EEFSEC: variants seen among roughly 807,000 people sequenced by gnomAD.
The protein encoded by EEFSEC is selenocysteine-specific elongation factor.
A neutral mutation model predicts 42.1 loss-of-function variants in EEFSEC; 43 were observed. The ratio of observed to expected loss-of-function variants is 1.02; its 90% confidence interval spans 0.80 to 1.32. EEFSEC has a LOEUF of 1.32. Among genes scored for constraint, EEFSEC ranks in the 40% most tolerant of loss-of-function variants. The pLI is 0.00. For missense variants in EEFSEC, 745 were observed against 803.6 expected, an observed-to-expected ratio of 0.93 and a Z score of 0.88; for synonymous variants, 354 against 339.1, an observed-to-expected ratio of 1.04 and a Z score of -0.48.
chr3:128,277,738 G>C (rs1444189461), intron 4 of EEFSEC, among the ~76,000 whole-genome samples: 1 of 152,244 alleles, frequency 6.6e-6, no homozygotes, highest in South Asian at 2.1e-4. Context: ...AGCTCTGCAC[G>C]TGAGCACATG....
At chr3:128,205,134 A>T (rs953919342) in intron 1 of EEFSEC, among the ~76,000 whole-genome samples, 1 of 152,208 alleles carries the variant, frequency 6.6e-6, no homozygotes, top group Admixed American at 6.5e-5. Flanking sequence ...TAAAGTGAGG[A>T]TAGGCACCCT....
At position 128,153,777 on chromosome 3, in the gene EEFSEC, G is replaced by C. The variant is rs183219145; in HGVS notation, c.270G>C (p.Leu90=). ...GCGAGCCACTGCTTCAGGTCACGCT[G>C]GTCGACTGCCCCGGGCACGCCTCCC... is the stretch of plus-strand genomic sequence containing the variant. ...EPGEPLLQVT[L]VDCPGHASLI... is the part of the protein sequence containing the mutation. Residue 90 remains leucine (L), a synonymous_variant, in exon 1 of 7, where the codon CTG becomes CTC. Coordinates refer to ENST00000254730, the MANE Select transcript of EEFSEC (RefSeq NM_021937.5). 17 of 1,534,622 alleles carry C rather than the reference G, an allele frequency of 1.1e-5. No individual in the cohort carries two copies. The African/African-American group carries it at 2.0e-4, about 18-fold the overall frequency.
intron 4 of EEFSEC, among the ~76,000 whole-genome samples, chr3:128,270,075 C>G (rs1416312458): frequency 2.0e-5 from 3 of 152,132 alleles, no homozygotes; most frequent in Admixed American, 2.0e-4. Flanking sequence ...TTGGGATGAC[C>G]ACTGTGTGCT....
At chr3:128,353,491 G>C (rs750308986) in intron 5 of EEFSEC, among the ~76,000 whole-genome samples, 1 of 152,198 alleles carries the variant, frequency 6.6e-6, no homozygotes, top group African/African-American at 2.4e-5. Flanking sequence ...CCTGGTGGGG[G>C]CTGGGGTCCC....
At chr3:128,351,823 G>T (rs2067389011) in intron 5 of EEFSEC, among the ~76,000 whole-genome samples, 1 of 152,210 alleles carries the variant, frequency 6.6e-6, no homozygotes, top group Non-Finnish European at 1.5e-5. Context: ...AGTGACTGAA[G>T]GCTAATAAAT....
intron 4 of EEFSEC, among the ~76,000 whole-genome samples, chr3:128,340,051 G>T (rs1361997708): frequency 6.6e-6 from 1 of 152,110 alleles, no homozygotes; most frequent in Non-Finnish European, 1.5e-5. Context: ...ATTTGGATGG[G>T]GACACAGCCA....
chr3:128,200,288 T>C (rs1219923909), intron 1 of EEFSEC, among the ~76,000 whole-genome samples: 1 of 152,052 alleles, frequency 6.6e-6, no homozygotes, highest in African/African-American at 2.4e-5. Flanking sequence ...AACTCTAACA[T>C]GAATCTCTTT....
chr3:128,232,405 C>T (rs2999086), intron 1 of EEFSEC, among the ~76,000 whole-genome samples: 127,715 of 152,206 alleles, frequency 0.84, 54,057 homozygotes, highest in East Asian at 0.99. Context: ...GACTGGCCTC[C>T]GCACACCCGG....
chr3:128,223,839 G>A (rs1012091741), intron 1 of EEFSEC, among the ~76,000 whole-genome samples: 1 of 152,046 alleles, frequency 6.6e-6, no homozygotes, highest in Non-Finnish European at 1.5e-5. Context: ...AAGAAAACAG[G>A]AAAAGAAGAA....
intron 1 of EEFSEC, among the ~76,000 whole-genome samples, chr3:128,222,624 C>T (rs1237612039): frequency 2.0e-5 from 3 of 152,310 alleles, no homozygotes; most frequent in Admixed American, 2.0e-4. Context: ...TCTGTCTACT[C>T]TTGATGAATG....
intron 1 of EEFSEC, among the ~76,000 whole-genome samples, chr3:128,227,927 T>C (rs1190812891): frequency 1.3e-5 from 2 of 152,224 alleles, no homozygotes; most frequent in East Asian, 3.8e-4. Context: ...CAGCATTTGA[T>C]TTTCTCTTGG....
intron 1 of EEFSEC, among the ~76,000 whole-genome samples, chr3:128,233,264 G>A (rs549303229): frequency 2.2e-4 from 33 of 152,210 alleles, no homozygotes; most frequent in African/African-American, 6.5e-4. Context: ...TCTCCTTAAC[G>A]CAAATTTAAG....
At chr3:128,311,737 G>A (rs1173159488) in intron 4 of EEFSEC, among the ~76,000 whole-genome samples, 2 of 152,352 alleles carry the variant, frequency 1.3e-5, no homozygotes, top group East Asian at 1.9e-4. Flanking sequence ...GATTATTCAT[G>A]TGCTTGGAGT....
chr3:128,184,016 A>T (rs1225424435), intron 1 of EEFSEC, among the ~76,000 whole-genome samples: 1 of 152,186 alleles, frequency 6.6e-6, no homozygotes, highest in African/African-American at 2.4e-5. Flanking sequence ...CCCTGGACCC[A>T]GTGTTCAGTG....
At chr3:128,274,279 T>C (rs968173219) in intron 4 of EEFSEC, among the ~76,000 whole-genome samples, 1 of 152,176 alleles carries the variant, frequency 6.6e-6, no homozygotes, top group South Asian at 2.1e-4. Flanking sequence ...TCCTTGTCTA[T>C]CAGTGGGGTT....
chr3:128,168,467 T>C (rs928637348), intron 1 of EEFSEC, among the ~76,000 whole-genome samples: 3 of 152,180 alleles, frequency 2.0e-5, no homozygotes, highest in African/African-American at 4.8e-5. Context: ...AAAAAAACTT[T>C]CTGGGGAGAG....
At position 128,341,516 on chromosome 3, in the gene EEFSEC, A is replaced by G. The variant is rs1180529906; in HGVS notation, c.1070A>G (p.Asn357Ser). The stretch of plus-strand genomic sequence containing the variant: ...ATGTTCTTCAGTCCTGCTCCAGATA[A>G]CTTTGACCAGGAGCCTATACTGGAC... Reference protein sequence around the residue: ...RLMFFSPAPDNFDQEPILDSF... With the variant: ...RLMFFSPAPDSFDQEPILDSF... Residue 357 changes from asparagine to serine, a missense_variant, in exon 5 of 7, where the codon AAC (asparagine) becomes AGC (serine). By Grantham distance (46) the Asn-to-Ser change is conservative. Transcript: ENST00000254730. The G allele has an allele frequency of 1.9e-6, 3 of 1,613,964 alleles. No individual in the cohort carries two copies. Among genetic ancestry groups the G allele is most frequent in the Non-Finnish European group, 2.5e-6 (3 of 1,180,032 alleles).
At chr3:128,387,401 T>C (rs1046726751) in intron 6 of EEFSEC, among the ~76,000 whole-genome samples, 5 of 152,332 alleles carry the variant, frequency 3.3e-5, no homozygotes, top group East Asian at 1.9e-4. Flanking sequence ...ATGAAGGTGC[T>C]GTGTGGCAAG....
At chr3:128,284,895 C>A (rs191299072) in intron 4 of EEFSEC, among the ~76,000 whole-genome samples, 1 of 152,104 alleles carries the variant, frequency 6.6e-6, no homozygotes, top group Non-Finnish European at 1.5e-5. Context: ...AAGCGTTTAA[C>A]CAGCATGCTT....
Sources: gnomAD v4.1 joint callset for allele counts (sites outside exome capture counted in the v4.1 genomes callset) on GRCh38, gnomAD v4.1.1 for gene constraint, MANE v1.5 for transcripts, NCBI Gene and HGNC (gene_info 2026-07-23, HGNC 2026-07-21) for gene names.